The following ICE2 variants were observed in gnomAD, a reference collection of about 807,000 sequenced individuals.
ICE2 encodes the protein little elongation complex subunit 2.
In ICE2, 87 loss-of-function variants were observed where a neutral mutation model predicts 105.4. The observed-to-expected ratio is 0.83, with a 90% CI of 0.69 to 0.99. The LOEUF (loss-of-function observed/expected upper bound fraction) is 0.99. Ranked by LOEUF, ICE2 falls within the 50% of genes least tolerant of loss-of-function variation. The pLI, the probability that ICE2 is intolerant of heterozygous loss-of-function variation, is 0.00. For missense variants in ICE2, 1,323 were observed against 1,146.7 expected, an observed-to-expected ratio of 1.15 and a Z score of -2.22; for synonymous variants, 399 against 392.0, an observed-to-expected ratio of 1.02 and a Z score of -0.21.
At chr15:60,460,656 C>T (rs1321047864) in intron 5 of ICE2, among the ~76,000 whole-genome samples, 2 of 152,196 alleles carry the variant, frequency 1.3e-5, no homozygotes, top group African/African-American at 4.8e-5. Context: ...GTCCAGTACA[C>T]TGTAGGATAT....
At position 60,454,639 on chromosome 15, in the gene ICE2, T is replaced by A. The variant is rs139864674; in HGVS notation, c.943+364A>T. 38 of 163,786 alleles carry A rather than the reference T, an allele frequency of 2.3e-4. 1 individual carries two copies. In the East Asian group the frequency reaches 6.3e-3, roughly 27 times the overall value. 10.1% of individuals were successfully genotyped at this position (163,786 alleles called of 1,614,324 possible). Reference sequence around the variant, plus strand: ...AATCAGTACTTTGATATCTGACAACTGACCACCTATATTTAGACAGCTGAA... The same window carrying A: ...AATCAGTACTTTGATATCTGACAACAGACCACCTATATTTAGACAGCTGAA... On this transcript the variant is annotated intron_variant, in intron 8 of 15. Coordinates refer to ENST00000261520, the MANE Select transcript of ICE2 (RefSeq NM_024611.6).
rs763400078 is a variant in ICE2, at chr15:60,436,172, T to C, written c.2481A>G (p.Glu827=). The C allele has an allele frequency of 6.8e-7, 1 of 1,474,394 alleles. No individual in the cohort carries two copies. The highest frequency in any genetic ancestry group is 2.5e-5 in the East Asian group (1 of 40,416). 91.3% of individuals were successfully genotyped at this position (1,474,394 alleles called of 1,614,324 possible). ...KLFLLEEITS[E]ELKEKLSALK... ...GTGCTGAAAGCTTTTCTTTTAATTCTTCTGAGGTAATTTCTTCCAGTAGAA... is the reference window on the plus strand; with the variant it reads ...GTGCTGAAAGCTTTTCTTTTAATTCCTCTGAGGTAATTTCTTCCAGTAGAA... Residue 827 remains glutamate, a synonymous_variant, in exon 13 of 16, where the codon GAA becomes GAG. Transcript: ENST00000261520.
chr15:60,466,229 A>G (rs1471224284), intron 5 of ICE2, among the ~76,000 whole-genome samples: 1 of 152,200 alleles, frequency 6.6e-6, no homozygotes, highest in African/African-American at 2.4e-5. Context: ...AATGAGCACA[A>G]GTTCACTTGA....
At position 60,449,336 on chromosome 15, in the gene ICE2, A is replaced by G. The variant is rs1351472360; in HGVS notation, c.1631T>C (p.Val544Ala). ...CTTTGAGTTGTCTAGGTTTTCTAGA[A>G]CATTAGGTCTTTCACCATCAGCATG... ...ILHADGERPNVLENLDNSKEK... is the reference protein window; with the variant it reads ...ILHADGERPNALENLDNSKEK... The change falls in exon 10 of 16, where the codon GTT becomes GCT. Residue 544 changes from valine to alanine, a missense_variant. Physicochemically the swap from Val to Ala is moderately conservative, Grantham distance 64 (BLOSUM62 0). Coordinates refer to ENST00000261520, the MANE Select transcript of ICE2 (RefSeq NM_024611.6). 1 of 1,613,124 alleles carries G rather than the reference A, an allele frequency of 6.2e-7. No homozygotes were observed. The highest frequency in any genetic ancestry group is 8.5e-7 in the Non-Finnish European group (1 of 1,180,002).
intron 7 of ICE2, 74 bp downstream of exon 7, chr15:60,455,252 G>A: frequency 6.6e-7 from 1 of 1,522,248 alleles, no homozygotes; most frequent in South Asian, 1.2e-5. Flanking sequence ...GGGACTTTGG[G>A]ACAATCGGGT....
chr15:60,448,651 C>T (rs2063881466), intron 10 of ICE2, among the ~76,000 whole-genome samples, 197 bp downstream of exon 10: 1 of 152,076 alleles, frequency 6.6e-6, no homozygotes, highest in African/African-American at 2.4e-5. Context: ...GCTGCAAGAC[C>T]CATACGCCTT....
Position 60,419,711 on chromosome 15 carries a change from C to G in ICE2, c.*3923G>C, listed in dbSNP as rs893793013. 5 of 142,520 alleles carry G rather than the reference C, an allele frequency of 3.5e-5. No homozygotes were observed. The highest frequency in any genetic ancestry group is 1.3e-4 in the African/African-American group (5 of 37,406). 8.8% of individuals were successfully genotyped at this position (142,520 alleles called of 1,614,324 possible). A position where few individuals can be genotyped will look rare whatever the true frequency, so the allele number is the denominator to read the frequency against. ...GGTTTGATTAAAAACTACTACATAC[C>G]AAACAAAAAAACAGAACAAAACAAA... On this transcript the variant is annotated 3_prime_UTR_variant, in exon 16 of 16. Transcript: ENST00000261520.
At position 60,479,083 on chromosome 15, in the gene ICE2, C is replaced by A. The variant is rs756485408; in HGVS notation, c.-173G>T. 6.7e-6 allele frequency: 3 copies of A among 449,196 alleles called. No homozygotes were observed. In the Admixed American group the frequency reaches 7.1e-5, roughly 11 times the overall value. The allele number at this position is 449,196 out of a possible 1,614,324, so 27.8% of individuals were successfully genotyped here. The stretch of plus-strand genomic sequence containing the variant: ...ACCCCACTCCTCACATTGTCGCGCG[C>A]GCCCAAAAAAGACCATATTTAAAGG... On this transcript the variant is annotated 5_prime_UTR_variant, in exon 1 of 16. Coordinates refer to ENST00000261520, the MANE Select transcript of ICE2 (RefSeq NM_024611.6).
In ICE2 at chr15:60,455,783, A is replaced by T. The variant is rs542521352; in HGVS notation, c.667-341T>A. Among the ~76,000 whole-genome samples the T allele has an allele frequency of 4.6e-5, 7 of 152,202 alleles. No individual in the cohort carries two copies. The South Asian group carries it at 1.5e-3, about 32-fold the overall frequency. On this transcript the variant is annotated intron_variant, in intron 6 of 15. Coordinates refer to ENST00000261520, the MANE Select transcript of ICE2 (RefSeq NM_024611.6). The stretch of plus-strand genomic sequence containing the variant: ...CAGGTGTGTGCCAGCATGCCCAGCT[A>T]ATTTTTGTATTTTTAGTAGGAACGG...
chr15:60,425,538 T>C (rs898870725), intron 15 of ICE2, among the ~76,000 whole-genome samples: 3 of 152,090 alleles, frequency 2.0e-5, no homozygotes, highest in Non-Finnish European at 2.9e-5. Context: ...AGGAAGCAAA[T>C]GGGACCCTTA....
At chr15:60,455,705 C>T (rs1399228033) in intron 6 of ICE2, among the ~76,000 whole-genome samples, 2 of 151,890 alleles carry the variant, frequency 1.3e-5, no homozygotes, top group East Asian at 3.9e-4. Flanking sequence ...GCAACCTCTG[C>T]CTCCTGGGTT....
At chr15:60,467,979 A>G in intron 4 of ICE2, 82 bp downstream of exon 4, 1 of 1,302,914 alleles carries the variant, frequency 7.7e-7, no homozygotes, top group Non-Finnish European at 1.0e-6. Context: ...GACGGGACCT[A>G]AAAACATAAA....
At chr15:60,458,859 A>G (rs1351133686) in intron 5 of ICE2, among the ~76,000 whole-genome samples, 1 of 152,168 alleles carries the variant, frequency 6.6e-6, no homozygotes, top group Non-Finnish European at 1.5e-5. Flanking sequence ...GCCAGTCACA[A>G]AAAGACAGAT....
At chr15:60,443,024 C>G (rs760797410) in intron 11 of ICE2, 5 of 152,274 alleles carry the variant, frequency 3.3e-5, no homozygotes, top group African/African-American at 4.8e-5. Flanking sequence ...CTGAGCAGCT[C>G]GTTTCATTCT....
At chr15:60,441,544 A>G (rs1202125517) in intron 12 of ICE2, 1 of 152,172 alleles carries the variant, frequency 6.6e-6, no homozygotes, top group Non-Finnish European at 1.5e-5. Context: ...GGAAGAAGGG[A>G]TAGGTGTTAA....
chr15:60,436,575 C>A (rs77607509), intron 12 of ICE2, among the ~76,000 whole-genome samples: 2,203 of 151,716 alleles, frequency 0.015, 48 homozygotes, highest in African/African-American at 0.049. Context: ...ATTAGCCAGG[C>A]GTAGTGGCGG....
chr15:60,433,436 C>T (rs569739804), intron 13 of ICE2, among the ~76,000 whole-genome samples: 8 of 151,824 alleles, frequency 5.3e-5, no homozygotes, highest in Admixed American at 3.9e-4. Context: ...ACCTAAAGTC[C>T]GTCTGTCCAT....
At chr15:60,445,389 A>G (rs2063800697) in intron 11 of ICE2, 2 of 194,090 alleles carry the variant, frequency 1.0e-5, no homozygotes, top group South Asian at 3.6e-4. Flanking sequence ...CTGAATTTCC[A>G]GAGGATAAAA....
intron 3 of ICE2, among the ~76,000 whole-genome samples, chr15:60,475,293 T>G (rs2064727391): frequency 6.6e-6 from 1 of 152,226 alleles, no homozygotes; most frequent in South Asian, 2.1e-4. Flanking sequence ...GTAAAAATTA[T>G]CACTTAATAG....
Sources: gnomAD v4.1 joint callset for allele counts (sites outside exome capture counted in the v4.1 genomes callset) on GRCh38, gnomAD v4.1.1 for gene constraint, MANE v1.5 for transcripts, NCBI Gene and HGNC (gene_info 2026-07-23, HGNC 2026-07-21) for gene names.